The following SH2D4A variants were observed in gnomAD, a reference collection of about 807,000 sequenced individuals.
SH2D4A encodes SH2 domain containing 4A.
A neutral mutation model predicts 64.7 loss-of-function variants in SH2D4A; 70 were observed. The ratio of observed to expected loss-of-function variants is 1.08; its 90% CI spans 0.89 to 1.32. The LOEUF is 1.32. Among genes scored for constraint, SH2D4A ranks in the 40% most tolerant of loss-of-function variants. The pLI, the probability that SH2D4A is intolerant of heterozygous loss-of-function variation, is 0.00. For missense variants in SH2D4A, 706 were observed against 540.1 expected (o/e 1.31, Z -3.04); for synonymous variants, 268 against 200.7 (o/e 1.34, Z -2.83).
intron 8 of SH2D4A, among the ~76,000 whole-genome samples, chr8:19,376,549 G>A (rs2053199597): frequency 6.6e-6 from 1 of 152,132 alleles, no homozygotes; most frequent in Admixed American, 6.6e-5. Context: ...TTGAACCCAG[G>A]AGGCACAGGT....
chr8:19,315,283 G>C (rs1172000756), intron 1 of SH2D4A, among the ~76,000 whole-genome samples: 1 of 152,082 alleles, frequency 6.6e-6, no homozygotes, highest in Admixed American at 6.5e-5. Context: ...CTATAGGTGC[G>C]GGCCACCACG....
chr8:19,363,345 G>A (rs1272962397), intron 6 of SH2D4A, among the ~76,000 whole-genome samples: 3 of 152,086 alleles, frequency 2.0e-5, no homozygotes, highest in Non-Finnish European at 4.4e-5. Flanking sequence ...TCAAAGTGCA[G>A]GTATTACAGG....
intron 7 of SH2D4A, among the ~76,000 whole-genome samples, chr8:19,368,639 G>A (rs2053043709): frequency 2.1e-5 from 2 of 93,928 alleles, no homozygotes; most frequent in African/African-American, 3.7e-5. Flanking sequence ...TTTTTTGTTA[G>A]TCCATTGTTG....
chr8:19,368,979 C>A (rs55993746), intron 7 of SH2D4A, among the ~76,000 whole-genome samples: 4,159 of 152,084 alleles, frequency 0.027, 122 homozygotes, highest in East Asian at 0.11. Context: ...TCATATATGA[C>A]CTGTATTGGG....
intron 5 of SH2D4A, among the ~76,000 whole-genome samples, chr8:19,358,292 G>GA (rs1303408980): frequency 2.0e-5 from 3 of 152,126 alleles, no homozygotes; most frequent in East Asian, 3.9e-4. Flanking sequence ...CACATTTTAT[G>GA]AAAAAATCAG....
intron 8 of SH2D4A, among the ~76,000 whole-genome samples, chr8:19,378,806 G>A (rs1336986496): frequency 6.6e-6 from 1 of 151,186 alleles, no homozygotes; most frequent in African/African-American, 2.4e-5. Context: ...AGCACTTTGG[G>A]AGGCCAAGGA....
At chr8:19,392,887 G>T (rs555900717) in intron 8 of SH2D4A, among the ~76,000 whole-genome samples, 2 of 152,102 alleles carry the variant, frequency 1.3e-5, no homozygotes, top group African/African-American at 4.8e-5. Flanking sequence ...GACTACAGGT[G>T]CTCGCCAAAA....
chr8:19,384,821 T>A (rs111271232), intron 8 of SH2D4A, among the ~76,000 whole-genome samples: 1,768 of 152,306 alleles, frequency 0.012, 36 homozygotes, highest in African/African-American at 0.041. Flanking sequence ...TCTATCAACA[T>A]TTTCCTACTT....
chr8:19,361,322 C>A lies in SH2D4A; in HGVS notation c.706+8C>A. ...CGGAATGGCAGGCATCTCGTGAGTA[C>A]CCAGAGGTCTCCATAGCACCTTCCA... On this transcript the variant is annotated splice_region_variant and intron_variant, in intron 6 of 9. Transcript: ENST00000265807. 6.3e-7 allele frequency: 1 copy of A among 1,599,970 alleles called. No homozygotes were observed. The highest frequency in any genetic ancestry group is 8.5e-7 in the Non-Finnish European group (1 of 1,176,164).
At chr8:19,313,875 A>G in intron 1 of SH2D4A, 52 bp downstream of exon 1, 1 of 1,396,202 alleles carries the variant, frequency 7.2e-7, no homozygotes, top group Non-Finnish European at 9.3e-7. Context: ...GTGGGGTGGG[A>G]GTAGGGGGAA....
At chr8:19,319,761 T>C in intron 2 of SH2D4A, 33 bp downstream of exon 2, 2 of 1,520,414 alleles carry the variant, frequency 1.3e-6, no homozygotes, top group Non-Finnish European at 1.8e-6. Context: ...TGTGGATGTG[T>C]TGGTAGAACA....
At chr8:19,373,346 G>GTGTATA (rs1554485235) in intron 7 of SH2D4A, among the ~76,000 whole-genome samples, 184 bp from the exon 8 acceptor site, 1 of 146,210 alleles carries the variant, frequency 6.8e-6, no homozygotes, top group African/African-American at 2.6e-5. Flanking sequence ...ACACACATGT[G>GTGTATA]TATATATATA....
At chr8:19,356,390 A>T (rs1469652369) in intron 4 of SH2D4A, among the ~76,000 whole-genome samples, 1 of 152,006 alleles carries the variant, frequency 6.6e-6, no homozygotes, top group African/African-American at 2.4e-5. Context: ...AAAATTAAGA[A>T]CTCAGACACA....
At chr8:19,353,139 A>G (rs1401742882) in intron 4 of SH2D4A, among the ~76,000 whole-genome samples, 1 of 152,184 alleles carries the variant, frequency 6.6e-6, no homozygotes, top group Non-Finnish European at 1.5e-5. Context: ...AGCAAAAATT[A>G]TACAGGTAGG....
chr8:19,314,649 A>C (rs1366370847), intron 1 of SH2D4A, among the ~76,000 whole-genome samples: 1 of 152,198 alleles, frequency 6.6e-6, no homozygotes, highest in Non-Finnish European at 1.5e-5. Context: ...GATGCTCCTC[A>C]TCGCTCCAAA....
At position 19,319,747 on chromosome 8, in the gene SH2D4A, C is replaced by T; in HGVS notation, c.181+19C>T. 1 of 1,546,984 alleles carries T rather than the reference C, an allele frequency of 6.5e-7. No homozygotes were observed. Among genetic ancestry groups the T allele is most frequent in the African/African-American group, 1.4e-5 (1 of 72,086 alleles). ...AAGAAAGGTAAACTTATCCACGTTTCTTCTGTGGATGTGTTGGTAGAACAG... is the reference window on the plus strand; with the variant it reads ...AAGAAAGGTAAACTTATCCACGTTTTTTCTGTGGATGTGTTGGTAGAACAG... On this transcript the variant is annotated intron_variant, in intron 2 of 9. Coordinates refer to ENST00000265807, the MANE Select transcript of SH2D4A (RefSeq NM_022071.4).
At chr8:19,366,382 A>G (rs994418477) in intron 7 of SH2D4A, among the ~76,000 whole-genome samples, 9 of 152,204 alleles carry the variant, frequency 5.9e-5, no homozygotes, top group Non-Finnish European at 1.0e-4. Context: ...CGTGCTGTGC[A>G]GTAGAGCAGC....
Position 19,364,799 on chromosome 8 carries a change from T to G in SH2D4A, c.917+517T>G, listed in dbSNP as rs11997790. ...CTCATTCACGGATACATAGCCAAGT[T>G]CCTCTTTTAAGAATTTGGAAAGCCT... On this transcript the variant is annotated intron_variant, in intron 7 of 9. Transcript: ENST00000265807. Among the ~76,000 whole-genome samples the G allele has an allele frequency of 7.0e-3, 1,072 of 152,330 alleles. 15 individuals are homozygous for G. The highest frequency in any genetic ancestry group is 0.025 in the African/African-American group (1,045 of 41,572).
At chr8:19,333,688 T>C (rs1005144397) in intron 3 of SH2D4A, among the ~76,000 whole-genome samples, 1 of 152,138 alleles carries the variant, frequency 6.6e-6, no homozygotes, top group African/African-American at 2.4e-5. Context: ...CACAGCTCAC[T>C]GCGGCCAGTG....
Sources: gnomAD v4.1 joint callset for allele counts (sites outside exome capture counted in the v4.1 genomes callset) on GRCh38, gnomAD v4.1.1 for gene constraint, MANE v1.5 for transcripts, NCBI Gene and HGNC (gene_info 2026-07-23, HGNC 2026-07-21) for gene names.